CHD6: variants seen among roughly 807,000 people sequenced by gnomAD.
CHD6 encodes the protein chromodomain helicase DNA binding protein 6, also known as ATP-dependent chromatin remodeler CHD6.
Under a neutral mutation model 276.9 loss-of-function variants are expected in CHD6, and 50 were observed. The observed-to-expected ratio is 0.18, with a 90% CI of 0.14 to 0.23. CHD6 has a LOEUF of 0.23. Among genes scored for constraint, CHD6 ranks in the 10% least tolerant of loss-of-function variants. The pLI, the probability that CHD6 is intolerant of heterozygous loss-of-function variation, is 1.00. For missense variants in CHD6, 2,564 were observed against 3,365.8 expected (o/e 0.76, Z 5.89); for synonymous variants, 1,173 against 1,229.3 (o/e 0.95, Z 0.96).
At chr20:41,453,051 A>C in intron 20 of CHD6, 109 bp from the exon 21 acceptor site, 1 of 813,530 alleles carries the variant, frequency 1.2e-6, no homozygotes, top group Non-Finnish European at 2.0e-6. Flanking sequence ...GCCCCGTCTC[A>C]TCCTCCAGCA....
At chr20:41,545,019 A>G (rs150081265) in intron 2 of CHD6, among the ~76,000 whole-genome samples, 260 of 152,230 alleles carry the variant, frequency 1.7e-3, no homozygotes, top group African/African-American at 6.0e-3. Context: ...ATAATAACTA[A>G]TAAGTTCTGG....
rs1248819094 is a variant in CHD6 at position 41,420,854 on chromosome 20, C to A, written c.5781G>T (p.Gln1927His). 2 of 1,614,206 alleles carry A rather than the reference C, an allele frequency of 1.2e-6. No individual in the cohort carries two copies. The highest frequency in any genetic ancestry group is 2.2e-5 in the South Asian group (2 of 91,080). Reference sequence around the variant, plus strand: ...AGGCTGCTGGAGCGGGGAAAGCCCTCTGTAGCCCAGGAGTCTGGTTTGCCA... The same window carrying A: ...AGGCTGCTGGAGCGGGGAAAGCCCTATGTAGCCCAGGAGTCTGGTTTGCCA... ...LEVANQTPGL[Q>H]RAFPAPAACQ... Residue 1927 changes from glutamine to histidine, a missense_variant, in exon 31 of 37, where the codon CAG becomes CAT. Coordinates refer to ENST00000373233, the MANE Select transcript of CHD6 (RefSeq NM_032221.5).
intron 27 of CHD6, among the ~76,000 whole-genome samples, chr20:41,428,203 C>G (rs1041764218): frequency 6.6e-6 from 1 of 152,228 alleles, no homozygotes; most frequent in Admixed American, 6.5e-5. Context: ...TAGTGTTTTT[C>G]TGTTCCTGTC....
chr20:41,558,549 A>G (rs1043834712), intron 1 of CHD6, among the ~76,000 whole-genome samples: 2 of 152,254 alleles, frequency 1.3e-5, no homozygotes, highest in African/African-American at 4.8e-5. Flanking sequence ...TCACCATCTA[A>G]GGATGCTCCT....
intron 2 of CHD6, among the ~76,000 whole-genome samples, chr20:41,550,464 G>A (rs1018576964): frequency 4.6e-5 from 7 of 152,164 alleles, no homozygotes; most frequent in Admixed American, 2.0e-4. Context: ...CCAGGGGGTA[G>A]TCCTTGTAAC....
chr20:41,424,019 T>G (rs933289932), intron 29 of CHD6, among the ~76,000 whole-genome samples: 61 of 152,254 alleles, frequency 4.0e-4, no homozygotes, highest in African/African-American at 1.4e-3. Flanking sequence ...AGTTAACTTC[T>G]GCCTGTAGAT....
chr20:41,557,774 C>T (rs1318745182), intron 1 of CHD6, among the ~76,000 whole-genome samples: 1 of 152,106 alleles, frequency 6.6e-6, no homozygotes, highest in Admixed American at 6.5e-5. Context: ...TGTTAACAGG[C>T]CCCTATCCCC....
At chr20:41,427,198 G>A (rs1412691420) in intron 27 of CHD6, among the ~76,000 whole-genome samples, 2 of 151,048 alleles carry the variant, frequency 1.3e-5, no homozygotes, top group Non-Finnish European at 2.9e-5. Context: ...TACACAACAT[G>A]GTAGACCAGT....
At chr20:41,604,521 A>T (rs1337150882) in intron 1 of CHD6, among the ~76,000 whole-genome samples, 5 of 152,220 alleles carry the variant, frequency 3.3e-5, no homozygotes, top group African/African-American at 7.2e-5. Context: ...TGGCTATGAA[A>T]ATCATTTCCT....
chr20:41,603,390 C>T (rs934993136), intron 1 of CHD6, among the ~76,000 whole-genome samples: 2 of 152,056 alleles, frequency 1.3e-5, no homozygotes, highest in African/African-American at 4.8e-5. Context: ...AACATATACA[C>T]GTGTGTGTAC....
At chr20:41,445,860 C>T (rs1011823436) in intron 24 of CHD6, 92 bp from the exon 25 acceptor site, 29 of 727,804 alleles carry the variant, frequency 4.0e-5, no homozygotes, top group African/African-American at 1.0e-4. Context: ...TGCTGAGATG[C>T]TAAAGTAACA....
Position 41,417,303 on chromosome 20 carries a change from C to T in CHD6, c.6174G>A (p.Ser2058=), listed in dbSNP as rs765342216. 91 of 1,613,944 alleles carry T rather than the reference C, an allele frequency of 5.6e-5. No individual in the cohort carries two copies. The highest frequency in any genetic ancestry group is 6.8e-5 in the Non-Finnish European group (80 of 1,180,022). Residue 2058 remains serine (S), a synonymous_variant, in exon 32 of 37, where the codon TCG becomes TCA. Coordinates refer to ENST00000373233, the MANE Select transcript of CHD6 (RefSeq NM_032221.5). Reference sequence around the variant, plus strand: ...CATCCCCAATGTCTCCTGTGATGCCCGATGTTGAGCTCTTGCTCTCCTCTT... The same window carrying T: ...CATCCCCAATGTCTCCTGTGATGCCTGATGTTGAGCTCTTGCTCTCCTCTT... ...YSEEESKSST[S]GITGDIGDEL... is the part of the protein sequence containing the mutation.
At chr20:41,476,342 T>TG (rs1040499424) in intron 16 of CHD6, among the ~76,000 whole-genome samples, 1 of 151,942 alleles carries the variant, frequency 6.6e-6, no homozygotes, top group African/African-American at 2.4e-5. Flanking sequence ...AAGCAGCAGG[T>TG]GGCACCCTGG....
intron 1 of CHD6, among the ~76,000 whole-genome samples, chr20:41,598,365 T>G (rs1008145989): frequency 2.0e-5 from 3 of 152,126 alleles, no homozygotes; most frequent in Non-Finnish European, 4.4e-5. Context: ...AGTTAAAGAT[T>G]TAAAACCCAC....
chr20:41,467,194 C>T (rs962119597), intron 17 of CHD6, among the ~76,000 whole-genome samples: 1 of 152,046 alleles, frequency 6.6e-6, no homozygotes, highest in South Asian at 2.1e-4. Flanking sequence ...AGATGACTTA[C>T]CTGAAGGACA....
chr20:41,440,355 C>T (rs959342255), intron 25 of CHD6, among the ~76,000 whole-genome samples: 5 of 152,206 alleles, frequency 3.3e-5, no homozygotes, highest in Admixed American at 2.6e-4. Context: ...TACGGAAATA[C>T]TCAGTGTCCG....
chr20:41,514,516 TA>T (rs2044204206), intron 4 of CHD6, among the ~76,000 whole-genome samples: 1 of 152,196 alleles, frequency 6.6e-6, no homozygotes, highest in South Asian at 2.1e-4. Flanking sequence ...AGGCCTTACC[TA>T]GCTTGGCTCA....
rs1216560715 is a variant in CHD6 at position 41,555,090 on chromosome 20, G to A, written c.-23-3730C>T. Among the ~76,000 whole-genome samples the A allele has an allele frequency of 5.5e-5, 8 of 146,378 alleles. 1 individual carries two copies. The highest frequency in any genetic ancestry group is 2.1e-4 in the East Asian group (1 of 4,758). ...CCCCCACCTCCCTCCTGGACGGGGCGGCTTGCCGGGCGGGGGGCTGACCCC... is the reference window on the plus strand; with the variant it reads ...CCCCCACCTCCCTCCTGGACGGGGCAGCTTGCCGGGCGGGGGGCTGACCCC... On this transcript the variant is annotated intron_variant, in intron 1 of 36. Coordinates refer to ENST00000373233, the MANE Select transcript of CHD6 (RefSeq NM_032221.5).
At chr20:41,484,211 C>T (rs1307188585) in intron 15 of CHD6, 141 bp downstream of exon 15, 1 of 1,090,792 alleles carries the variant, frequency 9.2e-7, no homozygotes, top group Non-Finnish European at 1.3e-6. Context: ...CTCTGAATCT[C>T]AGTTTTATAC....
Sources: gnomAD v4.1 joint callset for allele counts (sites outside exome capture counted in the v4.1 genomes callset) on GRCh38, gnomAD v4.1.1 for gene constraint, MANE v1.5 for transcripts, NCBI Gene and HGNC (gene_info 2026-07-23, HGNC 2026-07-21) for gene names.